Variants in SYNPR observed in about 807,000 individuals in gnomAD.
The protein encoded by SYNPR is synaptoporin.
SYNPR carries 23 observed loss-of-function variants against 32.9 expected under a neutral mutation model. The observed-to-expected ratio is 0.70, with a 90% CI of 0.50 to 0.99. The LOEUF is 0.99. Among genes scored for constraint, SYNPR ranks in the 50% least tolerant of loss-of-function variants. The pLI is 0.00. For missense variants in SYNPR, 318 were observed against 349.3 expected (o/e 0.91, Z 0.71); for synonymous variants, 146 against 135.9 (o/e 1.07, Z -0.52).
At chr3:63,271,916 T>G (rs2086538298) in intron 3 of SYNPR, among the ~76,000 whole-genome samples, 1 of 151,560 alleles carries the variant, frequency 6.6e-6, no homozygotes, top group Non-Finnish European at 1.5e-5. Context: ...CTTGCTAACC[T>G]CCAAGGAAAA....
intron 2 of SYNPR, among the ~76,000 whole-genome samples, chr3:63,406,555 ACTCTGATTCT>A (rs1275239977): frequency 6.6e-6 from 1 of 151,986 alleles, no homozygotes; most frequent in East Asian, 1.9e-4. Flanking sequence ...GCCGAGCCTG[ACTCTGATTCT>A]CTCTCCGTGG....
At chr3:63,607,079 C>T (rs773930311) in intron 4 of SYNPR, among the ~76,000 whole-genome samples, 1 of 152,136 alleles carries the variant, frequency 6.6e-6, no homozygotes, top group Non-Finnish European at 1.5e-5. Context: ...TTAAGTGTTT[C>T]CCCATTCTAT....
In SYNPR at chr3:63,346,694, A is replaced by G. The variant is rs188995948; in HGVS notation, c.84+67952A>G. Among the ~76,000 whole-genome samples, 550 of 152,112 alleles carry G rather than the reference A, an allele frequency of 3.6e-3. 1 individual carries two copies. The highest frequency in any genetic ancestry group is 5.3e-3 in the Non-Finnish European group (363 of 67,976). ...CACCATGTTAGCCAAGACAGTCTTGATCTCCTGACCTCGTGATCCACCCAC... is the reference window on the plus strand; with the variant it reads ...CACCATGTTAGCCAAGACAGTCTTGGTCTCCTGACCTCGTGATCCACCCAC... On this transcript the variant is annotated intron_variant, in intron 2 of 5. Coordinates refer to ENST00000478300, the MANE Select transcript of SYNPR (RefSeq NM_001130003.2).
At chr3:63,246,624 C>T (rs2086292644) in intron 1 of SYNPR, among the ~76,000 whole-genome samples, 2 of 152,002 alleles carry the variant, frequency 1.3e-5, no homozygotes, top group Non-Finnish European at 2.9e-5. Flanking sequence ...CATTTGAGCA[C>T]AGACCTGAAG....
intron 3 of SYNPR, among the ~76,000 whole-genome samples, chr3:63,547,068 G>A (rs1702419045): frequency 6.6e-6 from 1 of 152,042 alleles, no homozygotes. Context: ...GAAACAAATA[G>A]CATCACTGGA....
intron 3 of SYNPR, among the ~76,000 whole-genome samples, chr3:63,491,563 C>T (rs1701257347): frequency 6.6e-6 from 1 of 152,144 alleles, no homozygotes; most frequent in Non-Finnish European, 1.5e-5. Flanking sequence ...CTCTGTCACC[C>T]AGGCTGGAGG....
rs1462218684 is a variant in SYNPR, at chr3:63,595,915, AT to A, written c.409-13209del. Among the ~76,000 whole-genome samples the A allele has an allele frequency of 1.7e-3, 159 of 94,870 alleles. 1 individual carries two copies. The highest frequency in any genetic ancestry group is 5.6e-3 in the African/African-American group (150 of 26,900). The allele number at this position is 94,870 out of a possible 152,430, so 62.2% of individuals were successfully genotyped here. A position where few individuals can be genotyped will look rare whatever the true frequency, so the allele number is the denominator to read the frequency against. On this transcript the variant is annotated intron_variant, in intron 4 of 5. Transcript: ENST00000478300. ...GTTTTATATATATAGTTATATATAT[AT>A]AGTTTTATATATATATAGTTTTATA...
intron 2 of SYNPR, among the ~76,000 whole-genome samples, chr3:63,476,635 A>G (rs1700932948): frequency 6.6e-6 from 1 of 152,066 alleles, no homozygotes; most frequent in African/African-American, 2.4e-5. Flanking sequence ...CCATAGAGCT[A>G]ATTAGAATCC....
At chr3:63,513,126 C>A (rs1416757752) in intron 3 of SYNPR, among the ~76,000 whole-genome samples, 2 of 151,828 alleles carry the variant, frequency 1.3e-5, no homozygotes, top group East Asian at 3.9e-4. Context: ...CATGAGGGGG[C>A]AGATAAAAAT....
chr3:63,604,146 T>C (rs1366180338), intron 4 of SYNPR, among the ~76,000 whole-genome samples: 2 of 152,160 alleles, frequency 1.3e-5, no homozygotes, highest in Non-Finnish European at 2.9e-5. Context: ...TTCATAGTAG[T>C]TTCTGAGTAG....
intron 2 of SYNPR, among the ~76,000 whole-genome samples, chr3:63,314,572 T>C (rs1039064841): frequency 1.3e-5 from 2 of 152,008 alleles, no homozygotes; most frequent in Non-Finnish European, 2.9e-5. Context: ...TTTGATGGGA[T>C]TGTATTTTTT....
At chr3:63,235,826 C>T (rs2086196805) in intron 1 of SYNPR, among the ~76,000 whole-genome samples, 1 of 152,062 alleles carries the variant, frequency 6.6e-6, no homozygotes, top group Non-Finnish European at 1.5e-5. Context: ...TTTTCATTCT[C>T]ATCACATGGG....
At chr3:63,279,957 A>G (rs1261439665) in intron 2 of SYNPR, among the ~76,000 whole-genome samples, 1 of 152,246 alleles carries the variant, frequency 6.6e-6, no homozygotes, top group Non-Finnish European at 1.5e-5. Context: ...CAAGTTAAAC[A>G]AGCAAGCAAT....
intron 2 of SYNPR, among the ~76,000 whole-genome samples, chr3:63,254,663 T>C (rs1423100577): frequency 6.6e-6 from 1 of 152,214 alleles, no homozygotes; most frequent in African/African-American, 2.4e-5. Context: ...GTCTGTCATA[T>C]GCATTATAGG....
chr3:63,564,529 ACT>A (rs1702750374), intron 4 of SYNPR, among the ~76,000 whole-genome samples: 1 of 151,222 alleles, frequency 6.6e-6, no homozygotes, highest in African/African-American at 2.4e-5. Flanking sequence ...TCACCTCCTC[ACT>A]CTCTGAGATA....
intron 2 of SYNPR, among the ~76,000 whole-genome samples, chr3:63,345,916 G>A (rs2087431703): frequency 1.3e-5 from 2 of 152,070 alleles, no homozygotes; most frequent in African/African-American, 4.8e-5. Context: ...CCAAGTTCAA[G>A]CGATTCCCCT....
At chr3:63,569,321 C>G (rs2106844378) in intron 4 of SYNPR, among the ~76,000 whole-genome samples, 1 of 152,152 alleles carries the variant, frequency 6.6e-6, no homozygotes. Flanking sequence ...GCAGAAGTTT[C>G]TAATTTTTTC....
chr3:63,273,739 G>C (rs1331464205), upstream of SYNPR, among the ~76,000 whole-genome samples: 1 of 152,102 alleles, frequency 6.6e-6, no homozygotes, highest in African/African-American at 2.4e-5. Flanking sequence ...TGAATGCTAA[G>C]ATTTTCATAA....
At chr3:63,218,939 A>C in the SYNPR span, among the ~76,000 whole-genome samples, 2 of 152,212 alleles carry the variant, frequency 1.3e-5, no homozygotes, top group African/African-American at 4.8e-5. Flanking sequence ...TTTATGGAGC[A>C]CTAGGTATGA....
Sources: allele counts gnomAD v4.1 joint callset (sites outside exome capture counted in the v4.1 genomes callset), GRCh38; gene constraint gnomAD v4.1.1; transcripts MANE v1.5; gene names NCBI Gene and HGNC (gene_info 2026-07-23, HGNC 2026-07-21).